The following ASXL1 variants were observed in gnomAD, a reference collection of about 807,000 sequenced individuals.
The protein encoded by ASXL1 is polycomb group protein ASXL1.
Under a neutral mutation model 89.1 loss-of-function variants are expected in ASXL1, and 65 were observed. The ratio of observed to expected loss-of-function variants is 0.73; its 90% CI spans 0.60 to 0.90. ASXL1 has a LOEUF of 0.90. Ranked by LOEUF, ASXL1 falls within the 40% of genes least tolerant of loss-of-function variation. The pLI is 0.00. For synonymous variants in ASXL1, 739 were observed against 746.9 expected (o/e 0.99, Z 0.17); for missense variants, 1,786 against 1,942.9 (o/e 0.92, Z 1.52).
intron 4 of ASXL1, among the ~76,000 whole-genome samples, chr20:32,401,521 T>C (rs1395290340): frequency 1.6e-5 from 2 of 122,254 alleles, no homozygotes; most frequent in Non-Finnish European, 3.3e-5. Flanking sequence ...CTGAACCATA[T>C]ATGTGTGTGT....
chr20:32,432,755 A>G, intron 10 of ASXL1, 125 bp from the exon 11 acceptor site: 2 of 1,205,176 alleles, frequency 1.7e-6, no homozygotes, highest in Non-Finnish European at 2.4e-6. Context: ...CTGTCCCTAT[A>G]AGAGCATGAT....
At chr20:32,395,056 A>G (rs542865671) in intron 4 of ASXL1, among the ~76,000 whole-genome samples, 1 of 152,268 alleles carries the variant, frequency 6.6e-6, no homozygotes, top group Admixed American at 6.5e-5. Flanking sequence ...TTTACTTTAT[A>G]TGTTTTCCAT....
Position 32,429,648 on chromosome 20 carries a change from G to A in ASXL1, c.565+217G>A, listed in dbSNP as rs776760212. 1.3e-5 allele frequency: 9 copies of A among 706,064 alleles called. No individual in the cohort carries two copies. Among genetic ancestry groups the A allele is most frequent in the Admixed American group, 5.3e-5 (2 of 37,404 alleles). The allele number at this position is 706,064 out of a possible 1,614,324, so 43.7% of individuals were successfully genotyped here. ...CCCAGGGCAGTCGTGAGGATCCAACGGAGGATTTGATTATGCCAGTGCTTT... is the reference window on the plus strand; with the variant it reads ...CCCAGGGCAGTCGTGAGGATCCAACAGAGGATTTGATTATGCCAGTGCTTT... On this transcript the variant is annotated intron_variant, in intron 7 of 12. Coordinates refer to ENST00000375687, the MANE Select transcript of ASXL1 (RefSeq NM_015338.6). This position sits in a 1 kb window ranked among gnomAD's most constrained non-coding sequence, Gnocchi z 4.9.
chr20:32,374,933 C>G (rs960550197), intron 4 of ASXL1, among the ~76,000 whole-genome samples: 1 of 152,048 alleles, frequency 6.6e-6, no homozygotes, highest in Admixed American at 6.5e-5. Context: ...TAGTCTTAGT[C>G]CATTTTCCAT....
intron 4 of ASXL1, among the ~76,000 whole-genome samples, chr20:32,411,651 C>T (rs982223883): frequency 2.0e-5 from 3 of 151,104 alleles, no homozygotes; most frequent in African/African-American, 4.9e-5. Context: ...AAGTGATTCT[C>T]CTGCCTCAGC....
intron 4 of ASXL1, among the ~76,000 whole-genome samples, chr20:32,395,122 C>G (rs1157658251): frequency 3.3e-5 from 5 of 152,160 alleles, no homozygotes; most frequent in Non-Finnish European, 7.4e-5. Flanking sequence ...GCCAGATTTT[C>G]TTCAGTTTTT....
At chr20:32,397,232 G>A (rs1242813662) in intron 4 of ASXL1, among the ~76,000 whole-genome samples, 1 of 122,606 alleles carries the variant, frequency 8.2e-6, no homozygotes, top group Non-Finnish European at 1.7e-5. Context: ...TTTTTGTGGG[G>A]TGAGCGACCA....
intron 4 of ASXL1, among the ~76,000 whole-genome samples, chr20:32,404,397 A>G (rs1019533582): frequency 1.3e-5 from 2 of 152,114 alleles, no homozygotes; most frequent in African/African-American, 4.8e-5. Context: ...TTTTTTTGGT[A>G]AACTATTATA....
At chr20:32,369,208 GC>G in intron 4 of ASXL1, 85 bp downstream of exon 4, 2 of 1,299,322 alleles carry the variant, frequency 1.5e-6, no homozygotes, top group Non-Finnish European at 1.1e-6. Flanking sequence ...TGGAATAGGG[GC>G]CATGAATTTG....
At chr20:32,393,663 G>A (rs2048711632) in intron 4 of ASXL1, among the ~76,000 whole-genome samples, 1 of 151,762 alleles carries the variant, frequency 6.6e-6, no homozygotes, top group Non-Finnish European at 1.5e-5. Context: ...GTAGAGATGG[G>A]GTTTCACCAT....
At chr20:32,368,485 A>G (rs2048242043) in intron 3 of ASXL1, among the ~76,000 whole-genome samples, 1 of 152,214 alleles carries the variant, frequency 6.6e-6, no homozygotes, top group Admixed American at 6.5e-5. Context: ...CCAGCAGAGA[A>G]AAAACAAATG....
Position 32,398,819 on chromosome 20 carries a change from T to C in ASXL1, c.253-29309T>C, listed in dbSNP as rs1252250526. On this transcript the variant is annotated intron_variant, in intron 4 of 12. Coordinates refer to ENST00000375687, the MANE Select transcript of ASXL1 (RefSeq NM_015338.6). ...AGAGACGGGGTTTCACCGTTTTAGC[T>C]GGGATGGTCTCGATCTCCTGACCTC... 9.3e-5 allele frequency among the ~76,000 whole-genome samples: 14 copies of C among 151,302 alleles called. 1 individual carries two copies. The East Asian group carries it at 2.2e-3, about 23-fold the overall frequency.
chr20:32,358,970 C>T (rs1231377283), intron 1 of ASXL1, 138 bp downstream of exon 1: 1 of 980,772 alleles, frequency 1.0e-6, no homozygotes, highest in South Asian at 1.8e-5. Context: ...AAGAACGGGA[C>T]AGCCCCGCAA....
intron 4 of ASXL1, among the ~76,000 whole-genome samples, chr20:32,418,353 C>T (rs1041385924): frequency 9.9e-5 from 15 of 151,936 alleles, no homozygotes; most frequent in South Asian, 2.1e-4. Context: ...AGCCTGGGCC[C>T]GCACAGTGAG....
intron 4 of ASXL1, among the ~76,000 whole-genome samples, chr20:32,380,154 C>T (rs1003831916): frequency 2.0e-4 from 31 of 151,906 alleles, no homozygotes; most frequent in African/African-American, 7.0e-4. Flanking sequence ...TGGTGGCGGC[C>T]GCCTGTAATC....
At chr20:32,403,044 C>T (rs181571834) in intron 4 of ASXL1, among the ~76,000 whole-genome samples, 118 of 152,146 alleles carry the variant, frequency 7.8e-4, no homozygotes, top group Non-Finnish European at 1.3e-3. Context: ...ACATTTAAGT[C>T]TGTGATTGCA....
chr20:32,370,083 A>T (rs1387163433), intron 4 of ASXL1, among the ~76,000 whole-genome samples: 1 of 152,154 alleles, frequency 6.6e-6, no homozygotes, highest in Admixed American at 6.5e-5. Context: ...CTGGTCAGCT[A>T]ATGTAAGACC....
At chr20:32,367,000 T>C (rs1401847109) in intron 2 of ASXL1, among the ~76,000 whole-genome samples, 1 of 151,910 alleles carries the variant, frequency 6.6e-6, no homozygotes, top group Non-Finnish European at 1.5e-5. Flanking sequence ...AAGTAACAAG[T>C]TAGAAACATA....
At chr20:32,424,008 A>T (rs181862200) in intron 4 of ASXL1, among the ~76,000 whole-genome samples, 3 of 152,190 alleles carry the variant, frequency 2.0e-5, no homozygotes, top group Non-Finnish European at 1.5e-5. Context: ...GGGTAGTTTG[A>T]ATTGCAGACA....
Sources: allele counts gnomAD v4.1 joint callset (sites outside exome capture counted in the v4.1 genomes callset), GRCh38; gene constraint gnomAD v4.1.1; non-coding constraint Gnocchi (gnomAD v3.1); transcripts MANE v1.5; gene names NCBI Gene and HGNC (gene_info 2026-07-23, HGNC 2026-07-21).